Variants in NOL10 observed in about 807,000 individuals in gnomAD.
NOL10 encodes nucleolar protein 10.
In NOL10, 58 loss-of-function variants were observed where a neutral mutation model predicts 103.5. The observed-to-expected ratio is 0.56, with a 90% confidence interval of 0.45 to 0.70. The LOEUF (loss-of-function observed/expected upper bound fraction) is 0.70, where lower values mean the gene tolerates loss of function less well. Ranked by LOEUF, NOL10 falls within the 30% of genes least tolerant of loss-of-function variation. NOL10 has a pLI of 0.00. For missense variants in NOL10, 763 were observed against 807.3 expected (o/e 0.95, Z 0.67); for synonymous variants, 287 against 282.5 (o/e 1.02, Z -0.16).
intron 13 of NOL10, among the ~76,000 whole-genome samples, chr2:10,608,961 A>C (rs960274614): frequency 6.6e-6 from 1 of 152,194 alleles, no homozygotes; most frequent in East Asian, 1.9e-4. Flanking sequence ...ATAAAAGACA[A>C]ACCTTCAAGA....
Position 10,571,997 on chromosome 2 carries a change from G to T in NOL10, c.*74C>A. On this transcript the variant is annotated 3_prime_UTR_variant, in exon 21 of 21. Coordinates refer to ENST00000381685, the MANE Select transcript of NOL10 (RefSeq NM_024894.4). Reference sequence around the variant, plus strand: ...TAAAAACGTGTGTTTCCTCGTCTGTGTTTAACACCCTAACGATGATCAGTT... The same window carrying T: ...TAAAAACGTGTGTTTCCTCGTCTGTTTTTAACACCCTAACGATGATCAGTT... The T allele has an allele frequency of 6.5e-7, 1 of 1,535,854 alleles. No individual in the cohort carries two copies. Among genetic ancestry groups the T allele is most frequent in the Non-Finnish European group, 8.9e-7 (1 of 1,118,502 alleles).
At chr2:10,683,005 G>C (rs1358671636) in intron 2 of NOL10, among the ~76,000 whole-genome samples, 2 of 152,092 alleles carry the variant, frequency 1.3e-5, no homozygotes, top group Non-Finnish European at 2.9e-5. Flanking sequence ...GGCTGGTCTT[G>C]AACTCCTGAC....
At chr2:10,678,436 A>C (rs78336792) in intron 3 of NOL10, among the ~76,000 whole-genome samples, 19 of 149,968 alleles carry the variant, frequency 1.3e-4, no homozygotes, top group South Asian at 2.1e-4. Context: ...AAAAAAAAAA[A>C]CACTAATAAA....
chr2:10,686,623 G>A (rs1682229066), intron 1 of NOL10, among the ~76,000 whole-genome samples: 1 of 152,192 alleles, frequency 6.6e-6, no homozygotes, highest in Admixed American at 6.6e-5. Flanking sequence ...TGCAATAACT[G>A]CAATTGCATA....
At chr2:10,642,177 G>A (rs941874921) in intron 13 of NOL10, among the ~76,000 whole-genome samples, 1 of 152,198 alleles carries the variant, frequency 6.6e-6, no homozygotes, top group Non-Finnish European at 1.5e-5. Context: ...TGGTCTGAGG[G>A]CAGCATTCTT....
intron 2 of NOL10, among the ~76,000 whole-genome samples, chr2:10,683,651 G>C (rs958272525): frequency 4.6e-5 from 7 of 152,114 alleles, no homozygotes; most frequent in African/African-American, 1.4e-4. Context: ...GTCCCTTCTG[G>C]ACAAAACACA....
At chr2:10,661,908 GA>G (rs1249443174) in intron 9 of NOL10, among the ~76,000 whole-genome samples, 305 of 143,108 alleles carry the variant, frequency 2.1e-3, no homozygotes, top group African/African-American at 6.9e-3. Context: ...AAGCAAATCG[GA>G]AAAAAAAAAA....
Position 10,680,763 on chromosome 2 carries a change from A to C in NOL10, c.211+1208T>G, listed in dbSNP as rs188915703. ...TTACCAAAAAGAAAGTGGTTGGAAA[A>C]GGAATACTGTTATCAGCAAAAAATG... On this transcript the variant is annotated intron_variant, in intron 3 of 20. Coordinates refer to ENST00000381685, the MANE Select transcript of NOL10 (RefSeq NM_024894.4). 1.8e-3 allele frequency among the ~76,000 whole-genome samples: 280 copies of C among 152,360 alleles called. 3 individuals carry two copies. Among genetic ancestry groups the C allele is most frequent in the African/African-American group, 6.3e-3 (264 of 41,594 alleles).
intron 13 of NOL10, among the ~76,000 whole-genome samples, chr2:10,615,600 T>C (rs1480108290): frequency 6.6e-6 from 1 of 152,200 alleles, no homozygotes; most frequent in Non-Finnish European, 1.5e-5. Context: ...TAAATAACTT[T>C]TAAAAGGTAT....
intron 13 of NOL10, among the ~76,000 whole-genome samples, chr2:10,607,945 T>C (rs1031413157): frequency 2.0e-5 from 3 of 152,038 alleles, no homozygotes; most frequent in Non-Finnish European, 4.4e-5. Flanking sequence ...CTTCATTTAA[T>C]TCATTTAACT....
intron 13 of NOL10, chr2:10,622,042 G>A (rs562244868): frequency 1.4e-4 from 66 of 471,088 alleles, no homozygotes; most frequent in African/African-American, 1.0e-3. Flanking sequence ...AGCTACATGT[G>A]ACTAATGGCT....
At position 10,659,556 on chromosome 2, in the gene NOL10, C is replaced by T. The variant is rs141082871; in HGVS notation, c.678-306G>A. On this transcript the variant is annotated intron_variant, in intron 9 of 20. Coordinates refer to ENST00000381685, the MANE Select transcript of NOL10 (RefSeq NM_024894.4). Reference sequence around the variant, plus strand: ...AAAAATAGCCAGTTGTGGTGGCACACACCTGTTGTCCCAGCTACTTGGGTG... The same window carrying T: ...AAAAATAGCCAGTTGTGGTGGCACATACCTGTTGTCCCAGCTACTTGGGTG... 4.2e-3 allele frequency among the ~76,000 whole-genome samples: 643 copies of T among 151,938 alleles called. 9 individuals carry two copies. Among genetic ancestry groups the T allele is most frequent in the African/African-American group, 0.014 (592 of 41,448 alleles).
intron 11 of NOL10, among the ~76,000 whole-genome samples, chr2:10,657,049 T>C (rs530901652): frequency 1.3e-5 from 2 of 152,176 alleles, no homozygotes; most frequent in African/African-American, 4.8e-5. Context: ...CCAGGTGAGG[T>C]GGCTCACGCC....
intron 13 of NOL10, among the ~76,000 whole-genome samples, chr2:10,616,668 C>T (rs1676851044): frequency 6.6e-6 from 1 of 152,132 alleles, no homozygotes; most frequent in African/African-American, 2.4e-5. Context: ...CCCACCTCAG[C>T]CCTTCAAGTA....
At chr2:10,577,512 G>C in intron 20 of NOL10, 124 bp downstream of exon 20, 1 of 701,984 alleles carries the variant, frequency 1.4e-6, no homozygotes, top group South Asian at 2.0e-5. Context: ...GTTAGAACAG[G>C]GAACACAGCT....
At chr2:10,585,834 A>C (rs980630694) in intron 19 of NOL10, among the ~76,000 whole-genome samples, 2 of 152,262 alleles carry the variant, frequency 1.3e-5, no homozygotes, top group Non-Finnish European at 2.9e-5. Context: ...TTAGGGAATA[A>C]AGTCAAGAAA....
chr2:10,587,270 T>C (rs1572240845), intron 19 of NOL10, among the ~76,000 whole-genome samples: 1 of 40,616 alleles, frequency 2.5e-5, no homozygotes, highest in African/African-American at 9.6e-5. Context: ...CATATATATA[T>C]ATATATTTTT....
At chr2:10,580,855 C>G (rs1404070140) in intron 19 of NOL10, among the ~76,000 whole-genome samples, 1 of 152,030 alleles carries the variant, frequency 6.6e-6, no homozygotes, top group Non-Finnish European at 1.5e-5. Flanking sequence ...GCATGTGCTT[C>G]AGGACAAAAT....
chr2:10,685,587 A>G (rs1016112044), intron 1 of NOL10, among the ~76,000 whole-genome samples: 1 of 151,236 alleles, frequency 6.6e-6, no homozygotes, highest in East Asian at 1.9e-4. Flanking sequence ...AATACAACAA[A>G]AGCTGATTAA....
Sources: gnomAD v4.1 joint callset for allele counts (sites outside exome capture counted in the v4.1 genomes callset) on GRCh38, gnomAD v4.1.1 for gene constraint, MANE v1.5 for transcripts, NCBI Gene and HGNC (gene_info 2026-07-23, HGNC 2026-07-21) for gene names.